NPIPA5: variants seen among roughly 807,000 people sequenced by gnomAD.
NPIPA5 encodes nuclear pore complex-interacting protein family member A5.
Under a neutral mutation model 21.4 loss-of-function variants are expected in NPIPA5, and 6 were observed. The observed-to-expected ratio is 0.28, with a 90% CI of 0.15 to 0.55. The LOEUF is 0.55. Ranked by LOEUF, NPIPA5 falls within the 20% of genes least tolerant of loss-of-function variation. The probability of loss-of-function intolerance (pLI) is 0.93; values close to 1 mark genes in which losing one functional copy is unlikely to be tolerated. For synonymous variants in NPIPA5, 33 were observed against 115.3 expected (o/e 0.29, Z 4.57); for missense variants, 99 against 318.2 (o/e 0.31, Z 5.24).
chr16:15,379,424 G>A (rs1437506092), upstream of NPIPA5, among the ~76,000 whole-genome samples: 3 of 151,228 alleles, frequency 2.0e-5, no homozygotes, highest in South Asian at 2.1e-4. Flanking sequence ...AAAATTAGCC[G>A]GGTGTGGTGG....
chr16:15,377,632 G>A (rs2050337121), intron 1 of NPIPA5, among the ~76,000 whole-genome samples: 1 of 124,470 alleles, frequency 8.0e-6, no homozygotes, highest in Non-Finnish European at 1.7e-5. Context: ...GTTGGGGAGG[G>A]GGAGGGGAGG....
At chr16:15,372,195 A>G (rs1165176722) in intron 2 of NPIPA5, among the ~76,000 whole-genome samples, 9 of 147,636 alleles carry the variant, frequency 6.1e-5, no homozygotes, top group African/African-American at 1.7e-4. Flanking sequence ...TAAATTTAAA[A>G]ACTTCCCCTG....
At chr16:15,381,580 A>T (rs1214312002), upstream of NPIPA5, 1 of 152,146 alleles carries the variant, frequency 6.6e-6, no homozygotes, top group Non-Finnish European at 1.5e-5. Context: ...CCGGAGCCAC[A>T]CTGTTTAGAT....
At chr16:15,370,993 G>A (rs1310199706) in intron 2 of NPIPA5, among the ~76,000 whole-genome samples, 1 of 112,970 alleles carries the variant, frequency 8.9e-6, no homozygotes, top group African/African-American at 3.0e-5. Context: ...GTTGCAGTGA[G>A]CCAAGATCCC....
chr16:15,368,130 G>C (rs1567407775), intron 4 of NPIPA5, among the ~76,000 whole-genome samples: 1 of 129,462 alleles, frequency 7.7e-6, no homozygotes, highest in Non-Finnish European at 1.6e-5. Flanking sequence ...CTGAATTCCA[G>C]AAGGAACTAC....
chr16:15,377,651 A>G lies in NPIPA5; in HGVS notation c.63+581T>C, dbSNP rs1405159097. ...GGGAGGGGGAGGGGAGGGGGAGGGGAAGGGGAAGGGGAGGGGAAGGGGAGA... is the reference window on the plus strand; with the variant it reads ...GGGAGGGGGAGGGGAGGGGGAGGGGGAGGGGAAGGGGAGGGGAAGGGGAGA... On this transcript the variant is annotated intron_variant, in intron 1 of 7. Coordinates refer to ENST00000360151, the MANE Select transcript of NPIPA5 (RefSeq NM_001277325.2). Among the ~76,000 whole-genome samples, 55 of 65,450 alleles carry G rather than the reference A, an allele frequency of 8.4e-4. 1 individual carries two copies. The highest frequency in any genetic ancestry group is 2.7e-3 in the African/African-American group (41 of 15,150). 42.9% of individuals were successfully genotyped at this position (65,450 alleles called of 152,430 possible). A position where few individuals can be genotyped will look rare whatever the true frequency, so the allele number is the denominator to read the frequency against.
At chr16:15,374,226 C>T (rs2050229668) in intron 1 of NPIPA5, among the ~76,000 whole-genome samples, 2 of 149,864 alleles carry the variant, frequency 1.3e-5, no homozygotes, top group Admixed American at 1.3e-4. Context: ...CAGAGTTCTG[C>T]TCCACTCAGT....
At chr16:15,380,275 A>G, upstream of NPIPA5, among the ~76,000 whole-genome samples, 1 of 151,862 alleles carries the variant, frequency 6.6e-6, no homozygotes, top group Non-Finnish European at 1.5e-5. Context: ...TCATGTTAAA[A>G]AGTAGTTTAG....
At chr16:15,379,985 C>CTG (rs370938234), upstream of NPIPA5, among the ~76,000 whole-genome samples, 7,081 of 143,532 alleles carry the variant, frequency 0.049, 249 homozygotes, top group African/African-American at 0.11. Context: ...GTGTGTGTGT[C>CTG]TGTGTGTGTG....
chr16:15,372,048 A>T (rs1036098008), intron 2 of NPIPA5, among the ~76,000 whole-genome samples: 1 of 148,140 alleles, frequency 6.8e-6, no homozygotes, highest in Non-Finnish European at 1.5e-5. Flanking sequence ...GCCATCACAC[A>T]TGAATGCTTC....
chr16:15,374,352 C>T (rs1326812248), intron 1 of NPIPA5, among the ~76,000 whole-genome samples: 1 of 151,462 alleles, frequency 6.6e-6, no homozygotes, highest in African/African-American at 2.4e-5. Flanking sequence ...GTCTCTGCCA[C>T]CATGCCTGAC....
chr16:15,379,128 G>A (rs1197394320), upstream of NPIPA5, among the ~76,000 whole-genome samples: 1 of 152,182 alleles, frequency 6.6e-6, no homozygotes, highest in Non-Finnish European at 1.5e-5. Flanking sequence ...TCAGGCCTCT[G>A]GCAGCTGAAA....
At chr16:15,377,654 G>A (rs1302034918) in intron 1 of NPIPA5, among the ~76,000 whole-genome samples, 10 of 112,374 alleles carry the variant, frequency 8.9e-5, no homozygotes, top group East Asian at 3.3e-4. Flanking sequence ...GGAGGGGAAG[G>A]GGAAGGGGAG....
chr16:15,376,205 G>C (rs1488544173), intron 1 of NPIPA5, among the ~76,000 whole-genome samples: 2 of 149,058 alleles, frequency 1.3e-5, no homozygotes, highest in Non-Finnish European at 3.0e-5. Flanking sequence ...GCTGGGAAGA[G>C]TGAGAGTTCA....
intron 1 of NPIPA5, among the ~76,000 whole-genome samples, chr16:15,375,815 T>C (rs1436189217): frequency 6.6e-6 from 1 of 151,552 alleles, no homozygotes; most frequent in East Asian, 1.9e-4. Context: ...TTCTCTAAGA[T>C]TGTTGATATT....
chr16:15,374,448 G>A (rs1300437134), intron 1 of NPIPA5, among the ~76,000 whole-genome samples: 9 of 151,446 alleles, frequency 5.9e-5, no homozygotes, highest in East Asian at 3.9e-4. Context: ...TGCCTGCCTC[G>A]GCCTCCCAAA....
chr16:15,369,298 A>G (rs888506855), intron 4 of NPIPA5, among the ~76,000 whole-genome samples: 5 of 149,482 alleles, frequency 3.3e-5, no homozygotes, highest in Non-Finnish European at 7.4e-5. Flanking sequence ...TCTAGTAAAA[A>G]TACAAAAATT....
intron 1 of NPIPA5, among the ~76,000 whole-genome samples, chr16:15,377,705 G>T (rs2050343115): frequency 9.6e-6 from 1 of 104,632 alleles, no homozygotes; most frequent in African/African-American, 3.3e-5. Context: ...AGGAGAAGGG[G>T]GCTGTTGGGG....
intron 4 of NPIPA5, among the ~76,000 whole-genome samples, chr16:15,368,533 CTG>C (rs1314128738): frequency 7.9e-5 from 12 of 151,528 alleles, no homozygotes; most frequent in Non-Finnish European, 1.5e-4. Context: ...ACATGAAAGA[CTG>C]TGAAAATGAA....
Sources: allele counts gnomAD v4.1 joint callset (sites outside exome capture counted in the v4.1 genomes callset), GRCh38; gene constraint gnomAD v4.1.1; transcripts MANE v1.5; gene names NCBI Gene and HGNC (gene_info 2026-07-23, HGNC 2026-07-21).